Variants in FHIT observed in about 807,000 individuals in gnomAD.
FHIT encodes the protein bis(5'-adenosyl)-triphosphatase.
A neutral mutation model predicts 17.9 loss-of-function variants in FHIT; 19 were observed. The ratio of observed to expected loss-of-function variants is 1.06; its 90% CI spans 0.74 to 1.56. The LOEUF (loss-of-function observed/expected upper bound fraction) is 1.56. Ranked by LOEUF, FHIT falls within the 40% of genes most tolerant of loss-of-function variation. The pLI, the probability that FHIT is intolerant of heterozygous loss-of-function variation, is 0.00. For synonymous variants in FHIT, 81 were observed against 69.7 expected, an observed-to-expected ratio of 1.16 and a Z score of -0.81; for missense variants, 248 against 189.2, an observed-to-expected ratio of 1.31 and a Z score of -1.82.
At chr3:60,079,062 T>C (rs1423640899) in intron 5 of FHIT, among the ~76,000 whole-genome samples, 5 of 152,110 alleles carry the variant, frequency 3.3e-5, no homozygotes, top group Non-Finnish European at 7.4e-5. Flanking sequence ...AGAGACAACA[T>C]GACTTCACAG....
At chr3:60,293,515 T>C (rs2106670826) in intron 5 of FHIT, among the ~76,000 whole-genome samples, 1 of 152,284 alleles carries the variant, frequency 6.6e-6, no homozygotes, top group East Asian at 1.9e-4. Flanking sequence ...TTCATGTCAC[T>C]TAATGGGGAA....
chr3:60,725,840 A>ATG (rs1158827598), intron 4 of FHIT, among the ~76,000 whole-genome samples: 8 of 152,154 alleles, frequency 5.3e-5, no homozygotes, highest in Admixed American at 3.3e-4. Context: ...AGCACTACAC[A>ATG]TGCTTTAACT....
At chr3:59,802,745 G>A (rs1056571525) in intron 8 of FHIT, among the ~76,000 whole-genome samples, 1 of 152,166 alleles carries the variant, frequency 6.6e-6, no homozygotes, top group Non-Finnish European at 1.5e-5. Context: ...CGTGACAATT[G>A]TTTTATGTGC....
chr3:60,108,101 T>C (rs1349622452), intron 5 of FHIT, among the ~76,000 whole-genome samples: 1 of 152,178 alleles, frequency 6.6e-6, no homozygotes, highest in African/African-American at 2.4e-5. Context: ...CCAATACAGT[T>C]TTATGGGTCC....
chr3:60,008,222 G>C (rs1699998664), intron 7 of FHIT, among the ~76,000 whole-genome samples: 1 of 152,138 alleles, frequency 6.6e-6, no homozygotes, highest in Non-Finnish European at 1.5e-5. Flanking sequence ...CAGGGAGGCT[G>C]TTTGGATCTG....
intron 8 of FHIT, among the ~76,000 whole-genome samples, chr3:59,776,502 G>T (rs954552087): frequency 6.6e-6 from 1 of 152,180 alleles, no homozygotes; most frequent in Non-Finnish European, 1.5e-5. Flanking sequence ...GGCTCCACTA[G>T]CTCAGAGAAC....
intron 5 of FHIT, among the ~76,000 whole-genome samples, chr3:60,364,269 T>C (rs767198884): frequency 1.3e-5 from 2 of 152,220 alleles, no homozygotes; most frequent in Non-Finnish European, 2.9e-5. Context: ...TCAAGTGAAA[T>C]GCTCTTCACC....
At chr3:59,994,336 C>A (rs892257751) in intron 7 of FHIT, among the ~76,000 whole-genome samples, 4 of 152,144 alleles carry the variant, frequency 2.6e-5, no homozygotes, top group Non-Finnish European at 5.9e-5. Flanking sequence ...GGTGCATAAA[C>A]CTCTGTCAGC....
chr3:60,250,801 A>G (rs1204878624), intron 5 of FHIT, among the ~76,000 whole-genome samples: 1 of 152,208 alleles, frequency 6.6e-6, no homozygotes, highest in Non-Finnish European at 1.5e-5. Context: ...TTTTCAATCG[A>G]CAATGAGACT....
At chr3:60,505,001 G>A (rs964284293) in intron 5 of FHIT, among the ~76,000 whole-genome samples, 4 of 152,200 alleles carry the variant, frequency 2.6e-5, no homozygotes, top group Admixed American at 6.5e-5. Flanking sequence ...CAGGGGACAA[G>A]GGGAATACCT....
chr3:60,016,889 C>T (rs1271359943), intron 5 of FHIT, among the ~76,000 whole-genome samples: 2 of 152,204 alleles, frequency 1.3e-5, no homozygotes, highest in Non-Finnish European at 2.9e-5. Flanking sequence ...CGTACTCTTA[C>T]TTACTCAATC....
At chr3:59,865,556 G>C (rs1450644291) in intron 8 of FHIT, among the ~76,000 whole-genome samples, 1 of 152,204 alleles carries the variant, frequency 6.6e-6, no homozygotes, top group Non-Finnish European at 1.5e-5. Flanking sequence ...GATATAACGA[G>C]GTGCCAAATG....
chr3:60,160,760 A>G (rs113722824), intron 5 of FHIT, among the ~76,000 whole-genome samples: 3 of 152,188 alleles, frequency 2.0e-5, no homozygotes, highest in African/African-American at 7.2e-5. Flanking sequence ...TTCCAAACCA[A>G]TAACACATTG....
intron 2 of FHIT, among the ~76,000 whole-genome samples, chr3:61,077,460 TA>T (rs896954017): frequency 7.3e-5 from 11 of 150,972 alleles, no homozygotes; most frequent in South Asian, 2.1e-4. Context: ...AGTCAATTAT[TA>T]AAAAAAACAA....
At chr3:60,480,796 A>G (rs1213047496) in intron 5 of FHIT, among the ~76,000 whole-genome samples, 2 of 151,876 alleles carry the variant, frequency 1.3e-5, no homozygotes, top group African/African-American at 2.4e-5. Flanking sequence ...CTCTCCCCCA[A>G]CTCCCCAACG....
intron 7 of FHIT, among the ~76,000 whole-genome samples, chr3:59,965,307 A>G (rs1194996367): frequency 6.6e-6 from 1 of 152,160 alleles, no homozygotes. Context: ...CTCAGGAGAT[A>G]TATCTGATTT....
At chr3:60,437,272 T>G (rs928456374) in intron 5 of FHIT, among the ~76,000 whole-genome samples, 25 of 152,218 alleles carry the variant, frequency 1.6e-4, no homozygotes, top group African/African-American at 6.0e-4. Flanking sequence ...GACAGTGATG[T>G]CACTGAGGCA....
At chr3:60,373,332 G>A (rs1700415311) in intron 5 of FHIT, among the ~76,000 whole-genome samples, 1 of 152,164 alleles carries the variant, frequency 6.6e-6, no homozygotes, top group Admixed American at 6.5e-5. Flanking sequence ...TAAAGAATTT[G>A]AAAATGGCTT....
At chr3:59,832,176 G>A (rs1313900578) in intron 8 of FHIT, among the ~76,000 whole-genome samples, 1 of 152,078 alleles carries the variant, frequency 6.6e-6, no homozygotes, top group African/African-American at 2.4e-5. Context: ...TTGATTGTTG[G>A]AGCCACTTCA....
Sources: allele counts gnomAD v4.1 joint callset (sites outside exome capture counted in the v4.1 genomes callset), GRCh38; gene constraint gnomAD v4.1.1; transcripts MANE v1.5; gene names NCBI Gene and HGNC (gene_info 2026-07-23, HGNC 2026-07-21).